GSG1L: variants seen among roughly 807,000 people sequenced by gnomAD.
GSG1L encodes the protein germ cell-specific gene 1-like protein.
GSG1L carries 24 observed loss-of-function variants against 42.1 expected under a neutral mutation model. That is an observed-to-expected ratio of 0.57 (90% CI 0.41 to 0.80). GSG1L has a LOEUF of 0.80. GSG1L is among the 30% of genes least tolerant of loss of function. GSG1L has a pLI of 0.00. For missense variants in GSG1L, 445 were observed against 472.2 expected (o/e 0.94, Z 0.53); for synonymous variants, 215 against 203.5 (o/e 1.06, Z -0.48).
intron 1 of GSG1L, among the ~76,000 whole-genome samples, chr16:28,047,926 G>T (rs1219462021): frequency 6.6e-6 from 1 of 151,930 alleles, no homozygotes; most frequent in African/African-American, 2.4e-5. Context: ...ATAAATAAAT[G>T]ACAATTTAGA....
intron 1 of GSG1L, among the ~76,000 whole-genome samples, chr16:28,002,348 CTG>C (rs1197768721): frequency 2.0e-5 from 3 of 152,166 alleles, no homozygotes; most frequent in Admixed American, 1.3e-4. Flanking sequence ...TGGCCACACA[CTG>C]TGGCTCACGC....
chr16:28,012,201 C>T (rs2085728137), intron 1 of GSG1L, among the ~76,000 whole-genome samples: 1 of 152,134 alleles, frequency 6.6e-6, no homozygotes, highest in South Asian at 2.1e-4. Flanking sequence ...AGGCAGCCAC[C>T]CCTCCCCTAG....
rs761049950 is a variant in GSG1L at position 27,854,408 on chromosome 16, GC to G, written c.551-9348del. Among the ~76,000 whole-genome samples the G allele has an allele frequency of 3.3e-5, 5 of 152,126 alleles. 1 individual carries two copies. The highest frequency in any genetic ancestry group is 3.9e-4 in the East Asian group (2 of 5,154). ...GATGGTTGGCCCCAAGAAGGAATGA[GC>G]TGCACTATGCAGATATGAGCAGGGC... is the stretch of plus-strand genomic sequence containing the variant. On this transcript the variant is annotated intron_variant, in intron 3 of 6. Coordinates refer to ENST00000447459, the MANE Select transcript of GSG1L (RefSeq NM_001109763.2).
At chr16:27,913,890 G>C (rs537138679) in intron 2 of GSG1L, among the ~76,000 whole-genome samples, 1 of 151,792 alleles carries the variant, frequency 6.6e-6, no homozygotes, top group Non-Finnish European at 1.5e-5. Context: ...CATGCTTATC[G>C]GAAAGAATTT....
intron 1 of GSG1L, among the ~76,000 whole-genome samples, chr16:28,013,905 G>A (rs1383728292): frequency 2.0e-5 from 3 of 152,212 alleles, no homozygotes; most frequent in East Asian, 1.9e-4. Flanking sequence ...GCCTTCCTAT[G>A]TGGCTCACTT....
At chr16:28,021,149 G>A (rs1255517701) in intron 1 of GSG1L, among the ~76,000 whole-genome samples, 1 of 152,142 alleles carries the variant, frequency 6.6e-6, no homozygotes, top group Non-Finnish European at 1.5e-5. Flanking sequence ...TCAGTTCATG[G>A]TTCTGCGGGC....
At position 27,998,286 on chromosome 16, in the gene GSG1L, GAAT is replaced by G. The variant is rs2085541450; in HGVS notation, c.350-35086_350-35084del. The G allele has an allele frequency of 2.0e-5, 3 of 152,186 alleles. 1 individual carries two copies. The South Asian group carries it at 6.2e-4, about 31-fold the overall frequency. 9.4% of individuals were successfully genotyped at this position (152,186 alleles called of 1,614,324 possible). Reference sequence around the variant, plus strand: ...TTCTATTCCAGAGTTACTTCACTTAGAATAATGGAAAAATATGGGATGCTTCAT... The same window carrying G: ...TTCTATTCCAGAGTTACTTCACTTAGAATGGAAAAATATGGGATGCTTCAT... On this transcript the variant is annotated intron_variant, in intron 1 of 6. Coordinates refer to ENST00000447459, the MANE Select transcript of GSG1L (RefSeq NM_001109763.2).
chr16:27,979,205 T>C (rs2085285675), intron 1 of GSG1L, among the ~76,000 whole-genome samples: 1 of 152,012 alleles, frequency 6.6e-6, no homozygotes, highest in African/African-American at 2.4e-5. Flanking sequence ...TCCCAGCTAC[T>C]ACAGAGGCTG....
intron 3 of GSG1L, among the ~76,000 whole-genome samples, chr16:27,879,188 C>T (rs1319781500): frequency 6.6e-6 from 1 of 152,210 alleles, no homozygotes; most frequent in Non-Finnish European, 1.5e-5. Context: ...GCCTTTATCA[C>T]ATCTCAGTCA....
In GSG1L at chr16:28,036,811, G is replaced by A. The variant is rs567123694; in HGVS notation, c.349+26265C>T. The stretch of plus-strand genomic sequence containing the variant: ...AATCAGGACGCTTTTCCCTACAGAC[G>A]TCCTGATGCATTTCAACACAGCTCC... On this transcript the variant is annotated intron_variant, in intron 1 of 6. Coordinates refer to ENST00000447459, the MANE Select transcript of GSG1L (RefSeq NM_001109763.2). Among the ~76,000 whole-genome samples, 10 of 152,234 alleles carry A rather than the reference G, an allele frequency of 6.6e-5. No individual in the cohort carries two copies. In the South Asian group the frequency reaches 8.3e-4, roughly 13 times the overall value.
intron 2 of GSG1L, among the ~76,000 whole-genome samples, chr16:27,949,368 T>C (rs1282165514): frequency 6.6e-6 from 1 of 152,088 alleles, no homozygotes; most frequent in Non-Finnish European, 1.5e-5. Flanking sequence ...AAATGAGCAG[T>C]GGTATGGGAG....
At position 27,875,070 on chromosome 16, in the gene GSG1L, A is replaced by G. The variant is rs185905998; in HGVS notation, c.550+9416T>C. Among the ~76,000 whole-genome samples the G allele has an allele frequency of 1.8e-4, 28 of 152,250 alleles. No homozygotes were observed. In the East Asian group the frequency reaches 5.2e-3, roughly 28 times the overall value. ...TGTGGCAGACATTGTCTTGCCTCCAATCATATCTCCTTGGCCCACACCAGG... is the reference window on the plus strand; with the variant it reads ...TGTGGCAGACATTGTCTTGCCTCCAGTCATATCTCCTTGGCCCACACCAGG... On this transcript the variant is annotated intron_variant, in intron 3 of 6. Transcript: ENST00000447459.
chr16:27,998,956 G>A (rs1044310293), intron 1 of GSG1L, among the ~76,000 whole-genome samples: 7 of 152,084 alleles, frequency 4.6e-5, no homozygotes, highest in African/African-American at 1.4e-4. Flanking sequence ...CCCCCAAACA[G>A]AGTTAATGAC....
At chr16:27,809,090 T>G (rs1002429830) in intron 5 of GSG1L, among the ~76,000 whole-genome samples, 1 of 152,148 alleles carries the variant, frequency 6.6e-6, no homozygotes, top group Non-Finnish European at 1.5e-5. Flanking sequence ...AATCTAGTCC[T>G]CTCAAGTAAG....
intron 2 of GSG1L, among the ~76,000 whole-genome samples, chr16:27,898,627 ATCTC>A (rs1402489764): frequency 6.7e-6 from 1 of 148,588 alleles, no homozygotes; most frequent in Non-Finnish European, 1.5e-5. Flanking sequence ...CCAAGAAGTG[ATCTC>A]TCTCTATCTC....
chr16:27,901,144 A>C (rs774079164), intron 2 of GSG1L, among the ~76,000 whole-genome samples: 5 of 152,344 alleles, frequency 3.3e-5, no homozygotes, highest in Non-Finnish European at 5.9e-5. Flanking sequence ...TAAATATTTA[A>C]AAATTAGAAG....
At chr16:27,859,951 G>A (rs2083623951) in intron 3 of GSG1L, among the ~76,000 whole-genome samples, 2 of 152,112 alleles carry the variant, frequency 1.3e-5, no homozygotes, top group South Asian at 4.1e-4. Context: ...CAAAGTGCTG[G>A]TATTACAGAC....
chr16:28,012,552 G>A (rs996641200), intron 1 of GSG1L, among the ~76,000 whole-genome samples: 5 of 151,094 alleles, frequency 3.3e-5, no homozygotes, highest in African/African-American at 1.2e-4. Flanking sequence ...TACAAACTTA[G>A]AGTGCAGATT....
At chr16:27,871,053 C>T (rs546860881) in intron 3 of GSG1L, among the ~76,000 whole-genome samples, 45 of 147,376 alleles carry the variant, frequency 3.1e-4, no homozygotes, top group Non-Finnish European at 5.3e-4. Flanking sequence ...CCAAGTCCAG[C>T]CATGACCTGA....
Sources: allele counts gnomAD v4.1 joint callset (sites outside exome capture counted in the v4.1 genomes callset), GRCh38; gene constraint gnomAD v4.1.1; transcripts MANE v1.5; gene names NCBI Gene and HGNC (gene_info 2026-07-23, HGNC 2026-07-21).